The following CALN1 variants were observed in gnomAD, a reference collection of about 807,000 sequenced individuals.
CALN1 encodes the protein calneuron 1.
CALN1 carries 17 observed loss-of-function variants against 30.6 expected under a neutral mutation model. That is an observed-to-expected ratio of 0.56 (90% CI 0.38 to 0.83). The LOEUF is 0.83. Among genes scored for constraint, CALN1 ranks in the 40% least tolerant of loss-of-function variants. The pLI is 0.00. For synonymous variants in CALN1, 156 were observed against 131.4 expected (o/e 1.19, Z -1.28); for missense variants, 291 against 354.9 (o/e 0.82, Z 1.45).
At chr7:72,098,674 C>T (rs981940632) in intron 4 of CALN1, among the ~76,000 whole-genome samples, 4 of 151,930 alleles carry the variant, frequency 2.6e-5, no homozygotes, top group Admixed American at 1.3e-4. Context: ...CATACTACTG[C>T]ACTCCAGCTT....
Position 72,243,567 on chromosome 7 carries a change from G to A in CALN1, c.244+35119C>T, listed in dbSNP as rs369529435. On this transcript the variant is annotated intron_variant, in intron 3 of 6. Transcript: ENST00000395275. Reference sequence around the variant, plus strand: ...GAAACAGCCCCAGGCACAAGAAGGCGGGAAGAGCACATGAACCAGCGCTCC... The same window carrying A: ...GAAACAGCCCCAGGCACAAGAAGGCAGGAAGAGCACATGAACCAGCGCTCC... 2.2e-4 allele frequency among the ~76,000 whole-genome samples: 33 copies of A among 152,204 alleles called. No homozygotes were observed. The South Asian group carries it at 2.7e-3, about 12-fold the overall frequency.
intron 2 of CALN1, among the ~76,000 whole-genome samples, chr7:72,353,226 A>T (rs751262282): frequency 4.0e-5 from 6 of 150,138 alleles, no homozygotes; most frequent in Non-Finnish European, 8.9e-5. Context: ...GAGCGGGAAC[A>T]CAGCTCAACT....
At chr7:72,118,685 GATGAGATTTAAATATGT>G (rs60380056) in intron 3 of CALN1, among the ~76,000 whole-genome samples, 33,060 of 152,162 alleles carry the variant, frequency 0.22, 4,559 homozygotes, top group East Asian at 0.69. Context: ...AAAATGAGTG[GATGAGATTTAAATATGT>G]ATGAGAGTGA....
At chr7:72,361,397 T>C (rs1432922099) in intron 2 of CALN1, among the ~76,000 whole-genome samples, 1 of 152,126 alleles carries the variant, frequency 6.6e-6, no homozygotes, top group African/African-American at 2.4e-5. Flanking sequence ...TCCCAGCTAC[T>C]CAGGAGGCTG....
At chr7:72,157,777 C>T (rs977451448) in intron 3 of CALN1, among the ~76,000 whole-genome samples, 18 of 152,232 alleles carry the variant, frequency 1.2e-4, no homozygotes, top group Middle Eastern at 3.4e-3. Flanking sequence ...GAGTTTTGCT[C>T]TTGTTGCCCA....
At chr7:72,098,764 G>A (rs844715) in intron 4 of CALN1, among the ~76,000 whole-genome samples, 79,776 of 142,636 alleles carry the variant, frequency 0.56, 22,455 homozygotes, top group East Asian at 0.97. Context: ...CATTTGGCGC[G>A]CACACACACA....
intron 3 of CALN1, among the ~76,000 whole-genome samples, chr7:72,124,248 AG>A (rs1421175670): frequency 1.5e-4 from 23 of 152,360 alleles, no homozygotes; most frequent in Non-Finnish European, 1.5e-5. Flanking sequence ...TGGAGAAAAC[AG>A]GAAGTACTCA....
At chr7:71,838,861 G>A (rs190061208) in intron 5 of CALN1, among the ~76,000 whole-genome samples, 46 of 152,134 alleles carry the variant, frequency 3.0e-4, no homozygotes, top group African/African-American at 1.1e-3. Flanking sequence ...GTTTCCTGAG[G>A]CCTCCCCAGC....
chr7:72,043,504 C>T (rs1802262162), intron 4 of CALN1, among the ~76,000 whole-genome samples: 1 of 152,198 alleles, frequency 6.6e-6, no homozygotes, highest in African/African-American at 2.4e-5. Flanking sequence ...CATGGTGGCT[C>T]ATGCCTATAA....
rs137892180 is a variant in CALN1, at chr7:72,261,600, C to T, written c.244+17086G>A. Among the ~76,000 whole-genome samples the T allele has an allele frequency of 4.0e-4, 61 of 152,106 alleles. 1 individual carries two copies. The East Asian group carries it at 6.8e-3, about 17-fold the overall frequency. ...CATCACGCTTGGATAACTTTTTCAA[C>T]GATTTTCTGTAGAGATGGGATCTTC... On this transcript the variant is annotated intron_variant, in intron 3 of 6. Coordinates refer to ENST00000395275, the MANE Select transcript of CALN1 (RefSeq NM_031468.4).
chr7:72,365,629 G>C (rs1240362063), intron 2 of CALN1, among the ~76,000 whole-genome samples: 1 of 151,972 alleles, frequency 6.6e-6, no homozygotes, highest in African/African-American at 2.4e-5. Context: ...ACAGGGTCTT[G>C]CTATGTTGCC....
At chr7:71,984,259 C>A (rs1162301627) in intron 5 of CALN1, among the ~76,000 whole-genome samples, 1 of 152,082 alleles carries the variant, frequency 6.6e-6, no homozygotes, top group African/African-American at 2.4e-5. Flanking sequence ...GAGCCTTTGA[C>A]CATTTAAATG....
At chr7:72,458,998 G>A in the CALN1 span, among the ~76,000 whole-genome samples, 1 of 149,378 alleles carries the variant, frequency 6.7e-6, no homozygotes, top group Non-Finnish European at 1.5e-5. Context: ...GCAACCTCCC[G>A]TTTCCTGGGT....
At chr7:72,054,138 C>A (rs1171333095) in intron 4 of CALN1, among the ~76,000 whole-genome samples, 1 of 151,930 alleles carries the variant, frequency 6.6e-6, no homozygotes, top group African/African-American at 2.4e-5. Context: ...ATAATGACTT[C>A]TTTTCCTCTG....
intron 4 of CALN1, among the ~76,000 whole-genome samples, chr7:72,042,013 G>A (rs1329508552): frequency 6.6e-6 from 1 of 152,146 alleles, no homozygotes; most frequent in Non-Finnish European, 1.5e-5. Flanking sequence ...TTAGCAGCAT[G>A]AGAACAAACT....
At chr7:72,057,383 C>CTTTTTTTTTTT (rs60838093) in intron 4 of CALN1, among the ~76,000 whole-genome samples, 2 of 101,906 alleles carry the variant, frequency 2.0e-5, no homozygotes, top group East Asian at 2.9e-4. Flanking sequence ...TTTAAATGTT[C>CTTTTTTTTTTT]TTTTTTTTTT....
chr7:72,365,198 G>A (rs556306239), intron 2 of CALN1, among the ~76,000 whole-genome samples: 3 of 152,162 alleles, frequency 2.0e-5, no homozygotes, highest in East Asian at 1.9e-4. Flanking sequence ...CCACCTACTC[G>A]GGAGGCTGAG....
At chr7:72,078,348 A>G (rs1804890890) in intron 4 of CALN1, among the ~76,000 whole-genome samples, 1 of 152,038 alleles carries the variant, frequency 6.6e-6, no homozygotes, top group African/African-American at 2.4e-5. Flanking sequence ...AACTGCAGCC[A>G]TCACTTTTAT....
At chr7:72,288,974 G>T (rs186509962) in intron 2 of CALN1, among the ~76,000 whole-genome samples, 6 of 152,194 alleles carry the variant, frequency 3.9e-5, no homozygotes, top group Admixed American at 3.9e-4. Context: ...CTTTTTCAAT[G>T]AAGTGTAAAT....
Sources: gnomAD v4.1 joint callset for allele counts (sites outside exome capture counted in the v4.1 genomes callset) on GRCh38, gnomAD v4.1.1 for gene constraint, MANE v1.5 for transcripts, NCBI Gene and HGNC (gene_info 2026-07-23, HGNC 2026-07-21) for gene names.